PDE4D: variants seen among roughly 807,000 people sequenced by gnomAD.
PDE4D encodes phosphodiesterase 4D.
PDE4D carries 24 observed loss-of-function variants against 87.4 expected under a neutral mutation model. That is an observed-to-expected ratio of 0.27 (90% confidence interval 0.20 to 0.39). The LOEUF is 0.39. Among genes scored for constraint, PDE4D ranks in the 10% least tolerant of loss-of-function variants. The pLI, the probability that PDE4D is intolerant of heterozygous loss-of-function variation, is 1.00. For missense variants in PDE4D, 714 were observed against 1,041.0 expected (o/e 0.69, Z 4.32); for synonymous variants, 384 against 383.2 (o/e 1.00, Z -0.02).
chr5:60,515,627 G>A (rs1338305110), intron 1 of PDE4D, among the ~76,000 whole-genome samples: 1 of 122,706 alleles, frequency 8.1e-6, no homozygotes, highest in Admixed American at 7.7e-5. Flanking sequence ...TTTCTGTCAG[G>A]ATGAGAAGAG....
At chr5:59,121,550 A>G (rs1351589803) in intron 5 of PDE4D, among the ~76,000 whole-genome samples, 1 of 151,916 alleles carries the variant, frequency 6.6e-6, no homozygotes, top group Non-Finnish European at 1.5e-5. Context: ...AAATAATAAA[A>G]AATAAAAAAA....
intron 2 of PDE4D, among the ~76,000 whole-genome samples, chr5:60,014,090 T>TC (rs1561980234): frequency 7.4e-5 from 9 of 120,816 alleles, no homozygotes; most frequent in African/African-American, 3.1e-4. Flanking sequence ...AGACTCCACC[T>TC]TAAAAAAAAA....
At chr5:59,074,280 A>G (rs1416438716) in intron 5 of PDE4D, among the ~76,000 whole-genome samples, 1 of 152,212 alleles carries the variant, frequency 6.6e-6, no homozygotes, top group African/African-American at 2.4e-5. Context: ...ATACATCTAC[A>G]TATAACATGA....
chr5:60,426,686 A>G (rs889769484), intron 1 of PDE4D, among the ~76,000 whole-genome samples: 1 of 152,218 alleles, frequency 6.6e-6, no homozygotes, highest in African/African-American at 2.4e-5. Context: ...ATAATTTAAA[A>G]AAATGAAAAT....
chr5:60,060,647 C>A (rs7707407), intron 2 of PDE4D, among the ~76,000 whole-genome samples: 7 of 151,918 alleles, frequency 4.6e-5, no homozygotes, highest in Non-Finnish European at 7.4e-5. Context: ...GGGGCTAACA[C>A]TGCAGTGAAC....
chr5:58,972,366 A>G lies in PDE4D; in HGVS notation c.*2298T>C, dbSNP rs1356431778. 1 of 152,622 alleles carries G rather than the reference A, an allele frequency of 6.6e-6. No homozygotes were observed. Among genetic ancestry groups the G allele is most frequent in the African/African-American group, 2.4e-5 (1 of 41,456 alleles). The allele number at this position is 152,622 out of a possible 1,614,324, so 9.5% of individuals were successfully genotyped here. On this transcript the variant is annotated 3_prime_UTR_variant, in exon 15 of 15. Transcript: ENST00000340635. ...AGAGGAAACAGAGTAGAAACCTTGCAATTAACTAGTTGATTCCTCTTCTGC... is the reference window on the plus strand; with the variant it reads ...AGAGGAAACAGAGTAGAAACCTTGCGATTAACTAGTTGATTCCTCTTCTGC...
intron 1 of PDE4D, among the ~76,000 whole-genome samples, chr5:59,615,833 G>A (rs1330086440): frequency 6.6e-6 from 1 of 152,138 alleles, no homozygotes; most frequent in African/African-American, 2.4e-5. Context: ...TAGACCAAAA[G>A]AGGACTATCT....
intron 3 of PDE4D, among the ~76,000 whole-genome samples, chr5:59,925,551 C>T (rs1581761354): frequency 6.6e-6 from 1 of 152,094 alleles, no homozygotes; most frequent in Non-Finnish European, 1.5e-5. Context: ...GGACTAAACT[C>T]CCCAGTAAAT....
chr5:60,069,182 C>T (rs1220977163), intron 2 of PDE4D, among the ~76,000 whole-genome samples: 1 of 152,156 alleles, frequency 6.6e-6, no homozygotes, highest in Admixed American at 6.6e-5. Flanking sequence ...TGGTGTCACC[C>T]AAAATCCATA....
intron 1 of PDE4D, among the ~76,000 whole-genome samples, chr5:59,668,912 GAAGAAGAAGA>G (rs879483636): frequency 0.079 from 6,434 of 81,904 alleles, 737 homozygotes; most frequent in East Asian, 0.2. Flanking sequence ...AGAAGAAGAA[GAAGAAGAAGA>G]AAGAAAGAAA....
At chr5:59,786,010 GA>G (rs1765133615) in intron 1 of PDE4D, among the ~76,000 whole-genome samples, 1 of 141,932 alleles carries the variant, frequency 7.0e-6, no homozygotes, top group Non-Finnish European at 1.5e-5. Flanking sequence ...AGGGTGGGGG[GA>G]ACTGGCAGTG....
intron 6 of PDE4D, among the ~76,000 whole-genome samples, chr5:59,011,810 G>A (rs1193045784): frequency 3.3e-5 from 5 of 152,054 alleles, no homozygotes; most frequent in East Asian, 1.9e-4. Context: ...AGAATGCCAC[G>A]AAGATACTCC....
At chr5:59,926,628 T>C (rs1755317457) in intron 3 of PDE4D, among the ~76,000 whole-genome samples, 1 of 152,026 alleles carries the variant, frequency 6.6e-6, no homozygotes, top group South Asian at 2.1e-4. Context: ...TCTGACAGGA[T>C]TTTTCTAACA....
intron 1 of PDE4D, among the ~76,000 whole-genome samples, chr5:60,226,795 T>C (rs1476243300): frequency 6.6e-6 from 1 of 151,586 alleles, no homozygotes; most frequent in Admixed American, 6.6e-5. Flanking sequence ...TCCCAAGCCA[T>C]CCTTCTTTAC....
intron 1 of PDE4D, among the ~76,000 whole-genome samples, chr5:59,652,579 A>G (rs1743688372): frequency 6.6e-6 from 1 of 152,220 alleles, no homozygotes. Flanking sequence ...ATAGATATCA[A>G]TGTTAACATA....
At chr5:60,183,608 G>A (rs1784546968) in intron 2 of PDE4D, among the ~76,000 whole-genome samples, 1 of 152,154 alleles carries the variant, frequency 6.6e-6, no homozygotes, top group Non-Finnish European at 1.5e-5. Flanking sequence ...TACAAGAGAG[G>A]CATGTAGGGA....
At chr5:60,242,523 G>A (rs1438099508) in intron 1 of PDE4D, among the ~76,000 whole-genome samples, 2 of 152,054 alleles carry the variant, frequency 1.3e-5, no homozygotes, top group Non-Finnish European at 2.9e-5. Context: ...AGAATACACA[G>A]AATACACATT....
intron 2 of PDE4D, among the ~76,000 whole-genome samples, chr5:60,107,753 A>G (rs1777163253): frequency 3.3e-5 from 5 of 152,218 alleles, no homozygotes; most frequent in Admixed American, 3.3e-4. Flanking sequence ...ACCGAAGACA[A>G]AAACCACATG....
chr5:59,363,734 A>G (rs1782591723), intron 1 of PDE4D, among the ~76,000 whole-genome samples: 1 of 152,194 alleles, frequency 6.6e-6, no homozygotes, highest in Non-Finnish European at 1.5e-5. Context: ...AGTTTTGCTT[A>G]TCTCTAAATC....
Sources: allele counts gnomAD v4.1 joint callset (sites outside exome capture counted in the v4.1 genomes callset), GRCh38; gene constraint gnomAD v4.1.1; transcripts MANE v1.5; gene names NCBI Gene and HGNC (gene_info 2026-07-23, HGNC 2026-07-21).